Variants in GSAP observed in about 807,000 individuals in gnomAD.
The protein encoded by GSAP is gamma-secretase-activating protein.
A neutral mutation model predicts 131.7 loss-of-function variants in GSAP; 118 were observed. That is an observed-to-expected ratio of 0.90 (90% CI 0.77 to 1.04). The LOEUF (loss-of-function observed/expected upper bound fraction) is 1.04, where lower values mean the gene tolerates loss of function less well. GSAP is among the 50% of genes least tolerant of loss of function. GSAP has a pLI of 0.00. For missense variants in GSAP, 1,019 were observed against 1,013.2 expected, an observed-to-expected ratio of 1.01 and a Z score of -0.08; for synonymous variants, 381 against 363.4, an observed-to-expected ratio of 1.05 and a Z score of -0.55.
intron 19 of GSAP, among the ~76,000 whole-genome samples, chr7:77,339,646 C>T (rs1417078688): frequency 2.1e-5 from 3 of 143,708 alleles, no homozygotes; most frequent in South Asian, 2.2e-4. Flanking sequence ...AGGAGAAAAA[C>T]GTGAGGAGAA....
intron 1 of GSAP, among the ~76,000 whole-genome samples, chr7:77,414,910 T>G (rs1228364418): frequency 1.5e-5 from 2 of 132,408 alleles, no homozygotes; most frequent in Non-Finnish European, 3.1e-5. Flanking sequence ...CAGGCTGGAG[T>G]GCAGTGGCGA....
At chr7:77,325,790 C>T (rs1263371468) in intron 23 of GSAP, among the ~76,000 whole-genome samples, 2 of 152,140 alleles carry the variant, frequency 1.3e-5, no homozygotes, top group Non-Finnish European at 2.9e-5. Context: ...AGGCTGGTCT[C>T]GAACTCCTGA....
chr7:77,382,471 T>C lies in GSAP; in HGVS notation c.526+103A>G. ...ATGGACATCAAAGCTTAGCAGACCC[T>C]TGGCAATGGCAGGTGGATATCTAGA... On this transcript the variant is annotated intron_variant, in intron 7 of 30. Transcript: ENST00000257626. 5.9e-6 allele frequency: 4 copies of C among 672,476 alleles called. No homozygotes were observed. The South Asian group carries it at 6.9e-5, about 12-fold the overall frequency. The allele number at this position is 672,476 out of a possible 1,614,324, so 41.7% of individuals were successfully genotyped here.
chr7:77,343,613 G>A (rs908217229), intron 19 of GSAP, among the ~76,000 whole-genome samples: 3 of 152,190 alleles, frequency 2.0e-5, no homozygotes, highest in African/African-American at 7.2e-5. Context: ...TGATAAGGTA[G>A]CTAAAGAAGC....
intron 7 of GSAP, 94 bp downstream of exon 7, chr7:77,382,480 G>T: frequency 1.4e-6 from 1 of 691,556 alleles, no homozygotes. Flanking sequence ...CTTGGCAATG[G>T]CAGGTGGATA....
At chr7:77,365,434 C>G (rs1416959865) in intron 12 of GSAP, among the ~76,000 whole-genome samples, 2 of 152,138 alleles carry the variant, frequency 1.3e-5, no homozygotes, top group Non-Finnish European at 2.9e-5. Flanking sequence ...CCCTTGTGTT[C>G]AGGAGTTCTC....
chr7:77,328,319 C>CAG, intron 22 of GSAP: 2 of 1,171,368 alleles, frequency 1.7e-6, no homozygotes, highest in Non-Finnish European at 2.1e-6. Flanking sequence ...CCTGTGGGCA[C>CAG]AGCCAGAGGG....
At chr7:77,396,543 A>C (rs1800423534) in intron 5 of GSAP, among the ~76,000 whole-genome samples, 1 of 152,204 alleles carries the variant, frequency 6.6e-6, no homozygotes, top group Non-Finnish European at 1.5e-5. Context: ...AGGGAGCATC[A>C]CATAGCTACA....
chr7:77,372,308 G>A (rs1049869201), intron 12 of GSAP, among the ~76,000 whole-genome samples: 1 of 152,204 alleles, frequency 6.6e-6, no homozygotes, highest in African/African-American at 2.4e-5. Context: ...GCAAGACTAT[G>A]AAGATTTAAA....
chr7:77,328,687 A>C, intron 21 of GSAP, 50 bp from the exon 22 acceptor site: 1 of 1,105,370 alleles, frequency 9.0e-7, no homozygotes, highest in South Asian at 1.3e-5. Flanking sequence ...CTTTTAAAAA[A>C]TTTAAAGCCA....
intron 26 of GSAP, among the ~76,000 whole-genome samples, chr7:77,317,144 G>A (rs1222331009): frequency 6.6e-6 from 1 of 152,052 alleles, no homozygotes; most frequent in Non-Finnish European, 1.5e-5. Flanking sequence ...GTCACATGAT[G>A]GAAATAAACA....
chr7:77,366,862 G>A (rs1008559285), intron 12 of GSAP, among the ~76,000 whole-genome samples: 1 of 152,114 alleles, frequency 6.6e-6, no homozygotes, highest in African/African-American at 2.4e-5. Flanking sequence ...CCATGAGCAT[G>A]TTTTTCCATT....
chr7:77,391,093 C>G (rs556859820), intron 5 of GSAP, among the ~76,000 whole-genome samples: 6 of 134,892 alleles, frequency 4.4e-5, no homozygotes, highest in African/African-American at 1.4e-4. Context: ...CACCACTGCA[C>G]TCCAGCGTGG....
At chr7:77,404,732 C>CTT in intron 2 of GSAP, 117 bp from the exon 3 acceptor site, 1 of 656,812 alleles carries the variant, frequency 1.5e-6, no homozygotes, top group Non-Finnish European at 2.8e-6. Flanking sequence ...CTAAAAGAAG[C>CTT]TTTCTGTGCC....
intron 8 of GSAP, among the ~76,000 whole-genome samples, chr7:77,378,168 T>G (rs1002421936): frequency 7.9e-5 from 12 of 152,292 alleles, no homozygotes; most frequent in Admixed American, 7.2e-4. Flanking sequence ...GTAACAGTGC[T>G]CAAGGAATGT....
upstream of GSAP, chr7:77,416,548 C>T (rs907123809): frequency 1.0e-5 from 4 of 389,886 alleles, no homozygotes; most frequent in Non-Finnish European, 1.8e-5. Context: ...CGGCGGGTAG[C>T]GGTGGGGCGG....
chr7:77,414,031 C>A (rs1265170925), intron 1 of GSAP, among the ~76,000 whole-genome samples: 1 of 152,178 alleles, frequency 6.6e-6, no homozygotes, highest in Non-Finnish European at 1.5e-5. Context: ...CTCCTTGACC[C>A]CTTATTGACC....
chr7:77,355,884 G>C (rs1793645769), intron 14 of GSAP, among the ~76,000 whole-genome samples: 1 of 145,726 alleles, frequency 6.9e-6, no homozygotes, highest in Non-Finnish European at 1.5e-5. Flanking sequence ...CAAACTCCTG[G>C]GCTCAAGTGA....
At chr7:77,376,827 G>T in intron 10 of GSAP, 21 bp downstream of exon 10, 10 of 1,113,952 alleles carry the variant, frequency 9.0e-6, no homozygotes, top group Non-Finnish European at 1.2e-5. Context: ...TTCCTGTAGT[G>T]TGATCATTTT....
Sources: allele counts gnomAD v4.1 joint callset (sites outside exome capture counted in the v4.1 genomes callset), GRCh38; gene constraint gnomAD v4.1.1; transcripts MANE v1.5; gene names NCBI Gene and HGNC (gene_info 2026-07-23, HGNC 2026-07-21).